Variants in COG6 observed in about 807,000 individuals in gnomAD.
COG6 encodes conserved oligomeric Golgi complex subunit 6.
Under a neutral mutation model 88.8 loss-of-function variants are expected in COG6, and 74 were observed. That is an observed-to-expected ratio of 0.83 (90% CI 0.69 to 1.01). The LOEUF (loss-of-function observed/expected upper bound fraction) is 1.01, where lower values mean the gene tolerates loss of function less well. Ranked by LOEUF, COG6 falls within the 50% of genes least tolerant of loss-of-function variation. COG6 has a pLI of 0.00. For synonymous variants in COG6, 286 were observed against 278.7 expected (o/e 1.03, Z -0.26); for missense variants, 800 against 797.9 (o/e 1.00, Z -0.03).
At chr13:39,775,915 A>G (rs528627640) in intron 18 of COG6, among the ~76,000 whole-genome samples, 67 of 152,072 alleles carry the variant, frequency 4.4e-4, no homozygotes, top group African/African-American at 1.6e-3. Context: ...GATTACAGGC[A>G]TGTGCCACCA....
At chr13:39,717,850 C>G (rs748895611) in intron 13 of COG6, among the ~76,000 whole-genome samples, 1 of 152,088 alleles carries the variant, frequency 6.6e-6, no homozygotes, top group East Asian at 1.9e-4. Flanking sequence ...GAGAAAGACC[C>G]TGTCAAAAAC....
At chr13:39,780,946 T>C (rs1881609966) in intron 18 of COG6, among the ~76,000 whole-genome samples, 1 of 152,220 alleles carries the variant, frequency 6.6e-6, no homozygotes, top group Non-Finnish European at 1.5e-5. Context: ...GTCTAGGACA[T>C]TGGATGAACT....
intron 11 of COG6, among the ~76,000 whole-genome samples, chr13:39,694,282 A>T (rs1001830259): frequency 6.6e-6 from 1 of 151,782 alleles, no homozygotes; most frequent in Non-Finnish European, 1.5e-5. Context: ...TTCATTGATA[A>T]TCTGTTTTAG....
chr13:39,745,380 TAAAC>T lies in COG6; in HGVS notation c.1827-5562_1827-5559del, dbSNP rs1362595297. ...TAATATCCAGAATCTACAAAGAACT[TAAAC>T]AAATTTACAAGAAAAAAAACCATCA... On this transcript the variant is annotated intron_variant, in intron 18 of 18. Transcript: ENST00000455146. Among the ~76,000 whole-genome samples the T allele has an allele frequency of 1.3e-5, 2 of 151,880 alleles. 1 individual carries two copies. Among genetic ancestry groups the T allele is most frequent in the African/African-American group, 4.8e-5 (2 of 41,326 alleles).
intron 18 of COG6, among the ~76,000 whole-genome samples, chr13:39,728,253 A>G (rs1879243622): frequency 1.3e-5 from 2 of 152,192 alleles, no homozygotes; most frequent in Admixed American, 6.5e-5. Flanking sequence ...GGTCAGTTAA[A>G]CATGCGAACA....
At chr13:39,703,599 C>T (rs893373210) in intron 13 of COG6, among the ~76,000 whole-genome samples, 1 of 151,750 alleles carries the variant, frequency 6.6e-6, no homozygotes, top group Non-Finnish European at 1.5e-5. Flanking sequence ...TAGTTTTTTT[C>T]CCTTGGGAGC....
At chr13:39,765,522 A>T (rs748549173) in intron 18 of COG6, among the ~76,000 whole-genome samples, 2 of 152,182 alleles carry the variant, frequency 1.3e-5, no homozygotes, top group Non-Finnish European at 2.9e-5. Flanking sequence ...CTTAATCCCA[A>T]AATGTGTTAT....
rs10684632 is a variant in COG6 at position 39,715,256 on chromosome 13, CCT to C, written c.1285-3965_1285-3964del. Among the ~76,000 whole-genome samples the C allele has an allele frequency of 4.7e-3, 701 of 149,222 alleles. 7 individuals carry two copies. Among genetic ancestry groups the C allele is most frequent in the African/African-American group, 0.016 (649 of 40,840 alleles). On this transcript the variant is annotated intron_variant, in intron 13 of 18. Coordinates refer to ENST00000455146, the MANE Select transcript of COG6 (RefSeq NM_020751.3). ...TTGCTTCCAAAAGACACTATATACT[CCT>C]CTCTCTCTCTCTCTATACACACACA...
intron 13 of COG6, among the ~76,000 whole-genome samples, chr13:39,709,052 A>C (rs1025628117): frequency 6.6e-6 from 1 of 152,088 alleles, no homozygotes; most frequent in African/African-American, 2.4e-5. Context: ...AGTCTGATAG[A>C]GCTGTACTCA....
At chr13:39,732,942 T>C (rs1006835859) in intron 18 of COG6, among the ~76,000 whole-genome samples, 2 of 152,026 alleles carry the variant, frequency 1.3e-5, no homozygotes, top group Admixed American at 6.6e-5. Flanking sequence ...GAGAAAAATT[T>C]TTAAAGACAT....
intron 4 of COG6, among the ~76,000 whole-genome samples, chr13:39,676,292 G>GA (rs1365630166): frequency 6.6e-6 from 1 of 151,206 alleles, no homozygotes; most frequent in Non-Finnish European, 1.5e-5. Context: ...ATAACTACCA[G>GA]AAAAAAAATA....
intron 11 of COG6, among the ~76,000 whole-genome samples, chr13:39,690,590 A>C (rs1318666569): frequency 6.6e-6 from 1 of 152,036 alleles, no homozygotes; most frequent in Non-Finnish European, 1.5e-5. Flanking sequence ...TTTCATACAT[A>C]GAAATTGAAA....
chr13:39,679,688 ATTGT>A (rs376119652), intron 6 of COG6, 68 bp downstream of exon 6: 54 of 943,358 alleles, frequency 5.7e-5, no homozygotes, highest in Middle Eastern at 2.1e-4. Context: ...GATATTCTAG[ATTGT>A]TTGTGAACTA....
chr13:39,732,339 TACAG>T (rs1336269799), intron 18 of COG6, among the ~76,000 whole-genome samples: 1 of 152,176 alleles, frequency 6.6e-6, no homozygotes, highest in Non-Finnish European at 1.5e-5. Context: ...AGATGACAGT[TACAG>T]ACAATCAACA....
chr13:39,715,092 T>C (rs1178712274), intron 13 of COG6, among the ~76,000 whole-genome samples: 2 of 152,080 alleles, frequency 1.3e-5, no homozygotes, highest in South Asian at 2.1e-4. Context: ...AAAAATTACA[T>C]ATTGGGCACG....
chr13:39,668,043 T>C (rs1875379179), intron 4 of COG6, among the ~76,000 whole-genome samples: 1 of 152,190 alleles, frequency 6.6e-6, no homozygotes, highest in South Asian at 2.1e-4. Flanking sequence ...TATTTAGTCT[T>C]ATGTTAGGTG....
Position 39,752,220 on chromosome 13 carries a change from C to A in COG6, c.*1127C>A, listed in dbSNP as rs1410803024. On this transcript the variant is annotated 3_prime_UTR_variant, in exon 19 of 19. Coordinates refer to ENST00000455146, the MANE Select transcript of COG6 (RefSeq NM_020751.3). ...TAAATTACAAATGAGAAAATTGAAG[C>A]ACAAGGAAAAAAATAACTAGTTTGA... is the stretch of plus-strand genomic sequence containing the variant. 1 of 1,065,444 alleles carries A rather than the reference C, an allele frequency of 9.4e-7. No individual in the cohort carries two copies. The highest frequency in any genetic ancestry group is 1.2e-6 in the Non-Finnish European group (1 of 831,022). The allele number at this position is 1,065,444 out of a possible 1,614,324, so 66.0% of individuals were successfully genotyped here.
At chr13:39,658,023 G>C (rs146730045) in intron 1 of COG6, among the ~76,000 whole-genome samples, 1 of 148,808 alleles carries the variant, frequency 6.7e-6, no homozygotes, top group Non-Finnish European at 1.5e-5. Context: ...CATTTACCCA[G>C]TCAAGCAAGA....
chr13:39,657,071 C>A (rs1874557770), intron 1 of COG6, among the ~76,000 whole-genome samples: 1 of 152,084 alleles, frequency 6.6e-6, no homozygotes, highest in Admixed American at 6.6e-5. Flanking sequence ...GCTCTTTTTG[C>A]CCAAGCTGGA....
Sources: gnomAD v4.1 joint callset for allele counts (sites outside exome capture counted in the v4.1 genomes callset) on GRCh38, gnomAD v4.1.1 for gene constraint, MANE v1.5 for transcripts, NCBI Gene and HGNC (gene_info 2026-07-23, HGNC 2026-07-21) for gene names.